Variants in PPM1H observed in about 807,000 individuals in gnomAD.
The protein encoded by PPM1H is protein phosphatase 1H.
A neutral mutation model predicts 54.9 loss-of-function variants in PPM1H; 27 were observed. The ratio of observed to expected loss-of-function variants is 0.49; its 90% confidence interval spans 0.36 to 0.68. The LOEUF (loss-of-function observed/expected upper bound fraction) is 0.68. Among genes scored for constraint, PPM1H ranks in the 30% least tolerant of loss-of-function variants. PPM1H has a pLI of 0.00. For missense variants in PPM1H, 596 were observed against 667.8 expected (o/e 0.89, Z 1.19); for synonymous variants, 305 against 270.8 (o/e 1.13, Z -1.24).
intron 1 of PPM1H, among the ~76,000 whole-genome samples, chr12:62,906,010 CT>C (rs1871292563): frequency 6.6e-6 from 1 of 152,172 alleles, no homozygotes; most frequent in African/African-American, 2.4e-5. Flanking sequence ...GAAAGTATAA[CT>C]CCAAAATCTT....
intron 1 of PPM1H, among the ~76,000 whole-genome samples, chr12:62,911,162 A>T (rs1260872093): frequency 6.6e-6 from 1 of 152,064 alleles, no homozygotes; most frequent in Non-Finnish European, 1.5e-5. Flanking sequence ...TGATATCTGT[A>T]TCAGATATGT....
In PPM1H at chr12:62,701,682, T is replaced by G. The variant is rs574839377; in HGVS notation, c.1074-7683A>C. 8.0e-4 allele frequency among the ~76,000 whole-genome samples: 110 copies of G among 137,410 alleles called. 1 individual carries two copies. The highest frequency in any genetic ancestry group is 3.1e-3 in the African/African-American group (103 of 32,712). 90.1% of individuals were successfully genotyped at this position (137,410 alleles called of 152,430 possible). On this transcript the variant is annotated intron_variant, in intron 6 of 9. Coordinates refer to ENST00000228705, the MANE Select transcript of PPM1H (RefSeq NM_020700.2). ...AACAATGGCTTTCTTGTTTGTTTGTTTTTTTTTTTTGACACACCAGGGGGC... is the reference window on the plus strand; with the variant it reads ...AACAATGGCTTTCTTGTTTGTTTGTGTTTTTTTTTTGACACACCAGGGGGC...
At chr12:62,756,453 A>G (rs1187873648) in intron 4 of PPM1H, among the ~76,000 whole-genome samples, 1 of 152,136 alleles carries the variant, frequency 6.6e-6, no homozygotes, top group African/African-American at 2.4e-5. Context: ...AAAATTGTAC[A>G]TAAGTAACAT....
rs1468174227 is a variant in PPM1H, at chr12:62,645,802, C to T, written c.*2687G>A. On this transcript the variant is annotated 3_prime_UTR_variant, in exon 10 of 10. Transcript: ENST00000228705. Reference sequence around the variant, plus strand: ...AGGCTATTCGAGCAAGCAGATTTGGCTATAAGTCAGATACGCAAGATTTCT... The same window carrying T: ...AGGCTATTCGAGCAAGCAGATTTGGTTATAAGTCAGATACGCAAGATTTCT... The T allele has an allele frequency of 2.0e-5, 3 of 152,158 alleles. No homozygotes were observed. The highest frequency in any genetic ancestry group is 7.2e-5 in the African/African-American group (3 of 41,434). 9.4% of individuals were successfully genotyped at this position (152,158 alleles called of 1,614,324 possible). A position where few individuals can be genotyped will look rare whatever the true frequency, so the allele number is the denominator to read the frequency against.
intron 2 of PPM1H, among the ~76,000 whole-genome samples, chr12:62,809,927 T>G (rs924484795): frequency 1.3e-5 from 2 of 152,098 alleles, no homozygotes; most frequent in African/African-American, 4.8e-5. Context: ...CTTGGAAAAC[T>G]ATCCTTCGGT....
At chr12:62,837,192 A>T (rs949452873) in intron 1 of PPM1H, among the ~76,000 whole-genome samples, 24 of 152,224 alleles carry the variant, frequency 1.6e-4, no homozygotes, top group African/African-American at 5.8e-4. Context: ...TTGCTTTTAC[A>T]TGCAACTGTT....
At chr12:62,828,511 C>A (rs1040169531) in intron 2 of PPM1H, among the ~76,000 whole-genome samples, 9 of 152,166 alleles carry the variant, frequency 5.9e-5, no homozygotes, top group Non-Finnish European at 1.2e-4. Context: ...ACCCCGGCAC[C>A]CTCAGACTTC....
rs1249742261 is a variant in PPM1H at position 62,689,789 on chromosome 12, A to T, written c.1155T>A (p.Thr385=). ...GEGKKARVMA[T]IGVTRGLGDH... Reference sequence around the variant, plus strand: ...CCCCAAGTCCCCTGGTCACTCCAATAGTTGCCATTACCCGGGCCTAGGAGT... The same window carrying T: ...CCCCAAGTCCCCTGGTCACTCCAATTGTTGCCATTACCCGGGCCTAGGAGT... Residue 385 remains threonine (T), a synonymous_variant, in exon 8 of 10, where the codon ACT becomes ACA. Transcript: ENST00000228705. The T allele has an allele frequency of 1.2e-6, 2 of 1,613,140 alleles. No individual in the cohort carries two copies. Among genetic ancestry groups the T allele is most frequent in the South Asian group, 2.2e-5 (2 of 90,844 alleles).
chr12:62,655,485 T>C (rs903972992), intron 9 of PPM1H, among the ~76,000 whole-genome samples: 2 of 152,218 alleles, frequency 1.3e-5, no homozygotes, highest in Non-Finnish European at 2.9e-5. Context: ...TAAGGTGGTA[T>C]TAAAACAGGA....
intron 1 of PPM1H, among the ~76,000 whole-genome samples, chr12:62,867,319 A>C (rs1055061864): frequency 3.3e-5 from 5 of 152,120 alleles, no homozygotes; most frequent in Non-Finnish European, 5.9e-5. Context: ...GCACATTAGA[A>C]GTGCTGAAAA....
intron 5 of PPM1H, among the ~76,000 whole-genome samples, chr12:62,725,841 A>C (rs1199984131): frequency 6.6e-6 from 1 of 152,172 alleles, no homozygotes; most frequent in Non-Finnish European, 1.5e-5. Flanking sequence ...TGTTAAAAAA[A>C]AACAAAGACG....
rs1433973328 is a variant in PPM1H, at chr12:62,844,687, AGTTGT to A, written c.246-12413_246-12409del. The stretch of plus-strand genomic sequence containing the variant: ...TTCCAAAATGTTGTGTGTTTATTTC[AGTTGT>A]GTTCTCCCTATCTCAAATCACATAG... On this transcript the variant is annotated intron_variant, in intron 1 of 9. Coordinates refer to ENST00000228705, the MANE Select transcript of PPM1H (RefSeq NM_020700.2). This position sits in a 1 kb window ranked among gnomAD's most constrained non-coding sequence, Gnocchi z 5.2. Among the ~76,000 whole-genome samples the A allele has an allele frequency of 6.6e-6, 1 of 152,220 alleles. No individual in the cohort carries two copies. Among genetic ancestry groups the A allele is most frequent in the Non-Finnish European group, 1.5e-5 (1 of 68,036 alleles).
chr12:62,662,342 C>T lies in PPM1H; in HGVS notation c.1397+4836G>A, dbSNP rs540841171. ...GATACATAACATGAAACTTGAAAGGCGAAAAACACATTCAAATTCAAATAA... is the reference window on the plus strand; with the variant it reads ...GATACATAACATGAAACTTGAAAGGTGAAAAACACATTCAAATTCAAATAA... On this transcript the variant is annotated intron_variant, in intron 9 of 9. Transcript: ENST00000228705. 7.9e-5 allele frequency among the ~76,000 whole-genome samples: 12 copies of T among 152,226 alleles called. No homozygotes were observed. The South Asian group carries it at 1.0e-3, about 13-fold the overall frequency.
chr12:62,792,133 G>A (rs1393526773), intron 3 of PPM1H, among the ~76,000 whole-genome samples: 1 of 152,158 alleles, frequency 6.6e-6, no homozygotes, highest in Non-Finnish European at 1.5e-5. Flanking sequence ...CCACAGGTAG[G>A]TACATTATTT....
chr12:62,754,748 G>T (rs1033715551), intron 4 of PPM1H, among the ~76,000 whole-genome samples: 1 of 152,194 alleles, frequency 6.6e-6, no homozygotes, highest in Non-Finnish European at 1.5e-5. Context: ...TCTTTACTTG[G>T]ACTTTAGAAA....
At chr12:62,847,414 G>A (rs918599216) in intron 1 of PPM1H, among the ~76,000 whole-genome samples, 3 of 152,216 alleles carry the variant, frequency 2.0e-5, no homozygotes, top group Non-Finnish European at 4.4e-5. Context: ...CAAGGGCCGT[G>A]AAGGTAGGGG....
chr12:62,732,673 G>A (rs1020172495), intron 5 of PPM1H, among the ~76,000 whole-genome samples: 1 of 150,908 alleles, frequency 6.6e-6, no homozygotes, highest in Non-Finnish European at 1.5e-5. Context: ...CCGGGTTCAC[G>A]CCATTCTCCT....
chr12:62,821,156 G>A (rs1341973842), intron 2 of PPM1H, among the ~76,000 whole-genome samples: 4 of 152,104 alleles, frequency 2.6e-5, no homozygotes, highest in Non-Finnish European at 5.9e-5. Flanking sequence ...TCGATCAAGT[G>A]GAAGAAAGGG....
At chr12:62,862,883 G>GTGAAA (rs1869649827) in intron 1 of PPM1H, among the ~76,000 whole-genome samples, 1 of 152,284 alleles carries the variant, frequency 6.6e-6, no homozygotes, top group African/African-American at 2.4e-5. Context: ...AAATGCTTTA[G>GTGAAA]TGAAAATTCA....
Sources: allele counts gnomAD v4.1 joint callset (sites outside exome capture counted in the v4.1 genomes callset), GRCh38; gene constraint gnomAD v4.1.1; non-coding constraint Gnocchi (gnomAD v3.1); transcripts MANE v1.5; gene names NCBI Gene and HGNC (gene_info 2026-07-23, HGNC 2026-07-21).